The following CLINT1 variants were observed in gnomAD, a reference collection of about 807,000 sequenced individuals.
CLINT1 encodes clathrin interacting protein localized in the trans-Golgi region.
Under a neutral mutation model 70.4 loss-of-function variants are expected in CLINT1, and 15 were observed. That is an observed-to-expected ratio of 0.21 (90% confidence interval 0.14 to 0.33). The LOEUF (loss-of-function observed/expected upper bound fraction) is 0.33, where lower values mean the gene tolerates loss of function less well. CLINT1 is among the 10% of genes least tolerant of loss of function. The pLI, the probability that CLINT1 is intolerant of heterozygous loss-of-function variation, is 1.00. For synonymous variants in CLINT1, 227 were observed against 254.7 expected (o/e 0.89, Z 1.04); for missense variants, 615 against 778.1 (o/e 0.79, Z 2.49).
intron 1 of CLINT1, among the ~76,000 whole-genome samples, chr5:157,822,306 C>T (rs764742284): frequency 1.4e-4 from 22 of 151,872 alleles, no homozygotes; most frequent in Non-Finnish European, 2.6e-4. Flanking sequence ...ACCGTTAACT[C>T]GTCATTTACA....
At chr5:157,842,928 T>C (rs1753239813) in intron 1 of CLINT1, among the ~76,000 whole-genome samples, 1 of 152,226 alleles carries the variant, frequency 6.6e-6, no homozygotes, top group African/African-American at 2.4e-5. Flanking sequence ...ATTTGCTCTT[T>C]AAAGTTAATC....
At chr5:157,841,160 G>C (rs972573866) in intron 1 of CLINT1, among the ~76,000 whole-genome samples, 1 of 152,134 alleles carries the variant, frequency 6.6e-6, no homozygotes, top group African/African-American at 2.4e-5. Context: ...CAGCTACACG[G>C]GAGTCTAGAG....
chr5:157,787,746 G>A lies in CLINT1; in HGVS notation c.1778C>T (p.Thr593Ile), dbSNP rs769326861. ...IGMSAAGMGL[T>I]GTMGMGMPNI... ...GGGCATGCCCATTCCCATTGTGCCT[G>A]TCAAGCCCATCCCAGCAGCGGACAT... The change falls in exon 12 of 12, where the codon ACA (threonine) becomes ATA (isoleucine). Residue 593 changes from threonine (T) to isoleucine (I), a missense_variant. By Grantham distance (89) the Thr-to-Ile change is moderately conservative. This residue lies in a region of CLINT1 where 374 missense variants were observed against 409.6 expected (regional missense o/e 0.91). Transcript: ENST00000411809. 6.2e-7 allele frequency: 1 copy of A among 1,614,006 alleles called. No individual in the cohort carries two copies. The highest frequency in any genetic ancestry group is 8.5e-7 in the Non-Finnish European group (1 of 1,179,888).
chr5:157,798,668 A>C (rs1463925438), intron 8 of CLINT1, among the ~76,000 whole-genome samples: 1 of 152,194 alleles, frequency 6.6e-6, no homozygotes, highest in African/African-American at 2.4e-5. Flanking sequence ...CTAATAAATA[A>C]AGAACATGAA....
intron 1 of CLINT1, among the ~76,000 whole-genome samples, chr5:157,834,134 G>A (rs983852543): frequency 3.3e-5 from 5 of 150,988 alleles, no homozygotes; most frequent in African/African-American, 4.9e-5. Flanking sequence ...CTAGGCAAGC[G>A]GATTGCCTAA....
chr5:157,790,832 TTTGG>T (rs1335560927), intron 10 of CLINT1, among the ~76,000 whole-genome samples: 1 of 152,176 alleles, frequency 6.6e-6, no homozygotes, highest in Non-Finnish European at 1.5e-5. Flanking sequence ...AAGCTCCCAT[TTTGG>T]TTGTTTTTCT....
chr5:157,813,108 T>C lies in CLINT1; in HGVS notation c.472A>G (p.Lys158Glu). 6.2e-7 allele frequency: 1 copy of C among 1,613,932 alleles called. No homozygotes were observed. The highest frequency in any genetic ancestry group is 8.5e-7 in the Non-Finnish European group (1 of 1,179,830). Residue 158 changes from lysine (K) to glutamate (E), a missense_variant, in exon 5 of 12, where the codon AAG becomes GAG. Physicochemically the swap from Lys to Glu is moderately conservative, Grantham distance 56 (BLOSUM62 1). Around this residue, in one of 2 missense-constraint regions of CLINT1, gnomAD observed 241 missense variants for 368.6 expected, o/e 0.65. Transcript: ENST00000411809. ...ERKKAKKNKD[K>E]YVGVSSDSVG... ...CTGTCTGAGGAAACCCCAACATACTTGTCTTTGTTCTTCTTTGCTTTCTTT... is the reference window on the plus strand; with the variant it reads ...CTGTCTGAGGAAACCCCAACATACTCGTCTTTGTTCTTCTTTGCTTTCTTT...
intron 6 of CLINT1, among the ~76,000 whole-genome samples, chr5:157,807,315 C>T (rs1762417885): frequency 6.6e-6 from 1 of 152,112 alleles, no homozygotes; most frequent in Non-Finnish European, 1.5e-5. Context: ...AACTTCTCAA[C>T]AACAAATGAC....
chr5:157,790,214 AAAAC>A (rs1017169134), intron 10 of CLINT1: 4 of 163,556 alleles, frequency 2.4e-5, no homozygotes, highest in African/African-American at 9.6e-5. Flanking sequence ...ACAACAAAAC[AAAAC>A]AGAGAATTCA....
chr5:157,814,669 A>G (rs1158587311), intron 3 of CLINT1, among the ~76,000 whole-genome samples: 1 of 152,218 alleles, frequency 6.6e-6, no homozygotes, highest in Non-Finnish European at 1.5e-5. Context: ...TTATTTGGTA[A>G]TTAAACAATC....
At chr5:157,853,253 C>T (rs1340734689) in intron 1 of CLINT1, among the ~76,000 whole-genome samples, 5 of 150,962 alleles carry the variant, frequency 3.3e-5, no homozygotes, top group Middle Eastern at 3.2e-3. Flanking sequence ...GCAGGAGACT[C>T]GCTGGAACCT....
At chr5:157,808,273 T>C (rs760716129) in intron 6 of CLINT1, among the ~76,000 whole-genome samples, 3 of 152,082 alleles carry the variant, frequency 2.0e-5, no homozygotes, top group Non-Finnish European at 2.9e-5. Flanking sequence ...TTAAAAGATA[T>C]GAAAACATCC....
At chr5:157,830,754 C>CTT (rs1763201096) in intron 1 of CLINT1, among the ~76,000 whole-genome samples, 1 of 109,448 alleles carries the variant, frequency 9.1e-6, no homozygotes. Context: ...CTCCCTCTCT[C>CTT]TCCCTCTCTC....
chr5:157,844,093 T>C (rs2113308665), intron 1 of CLINT1, among the ~76,000 whole-genome samples: 1 of 152,208 alleles, frequency 6.6e-6, no homozygotes, highest in Non-Finnish European at 1.5e-5. Flanking sequence ...TAGGCTATAG[T>C]TTTTTTCATT....
intron 1 of CLINT1, among the ~76,000 whole-genome samples, chr5:157,839,610 A>T (rs1178818697): frequency 2.5e-5 from 3 of 119,846 alleles, no homozygotes; most frequent in Admixed American, 8.1e-5. Context: ...TAAATAAAAT[A>T]AAAAAAAAAA....
Position 157,787,779 on chromosome 5 carries a change from T to A in CLINT1, c.1745A>T (p.Asn582Ile). 6.2e-7 allele frequency: 1 copy of A among 1,614,026 alleles called. No individual in the cohort carries two copies. The highest frequency in any genetic ancestry group is 1.1e-5 in the South Asian group (1 of 91,090). ...CATCCCAGCAGCGGACATCCCTATG[T>A]TCATGTTCATGCCCATCATGCTCTG... ...MNQSMMGMNM[N>I]IGMSAAGMGL... The change falls in exon 12 of 12, where the codon AAC becomes ATC. Residue 582 changes from asparagine to isoleucine, a missense_variant. Coordinates refer to ENST00000411809, the MANE Select transcript of CLINT1 (RefSeq NM_014666.4).
At chr5:157,841,072 G>A (rs1251279870) in intron 1 of CLINT1, among the ~76,000 whole-genome samples, 1 of 151,992 alleles carries the variant, frequency 6.6e-6, no homozygotes, top group Admixed American at 6.6e-5. Context: ...GACCAGCCTG[G>A]GCAGCATGGC....
intron 9 of CLINT1, 71 bp downstream of exon 9, chr5:157,794,827 G>C (rs757671606): frequency 3.8e-6 from 4 of 1,064,176 alleles, no homozygotes; most frequent in South Asian, 1.4e-5. Flanking sequence ...AGCTGACTTG[G>C]GGGGAATGGG....
chr5:157,788,531 G>GTAT (rs2113116762), intron 11 of CLINT1, among the ~76,000 whole-genome samples: 1 of 151,962 alleles, frequency 6.6e-6, no homozygotes, highest in South Asian at 2.1e-4. Context: ...AATTAGCAAG[G>GTAT]GAAATCATAC....
Sources: gnomAD v4.1 joint callset for allele counts (sites outside exome capture counted in the v4.1 genomes callset) on GRCh38, gnomAD v4.1.1 for gene constraint, gnomAD v4.1.1 regional missense constraint, MANE v1.5 for transcripts, NCBI Gene and HGNC (gene_info 2026-07-23, HGNC 2026-07-21) for gene names.